The following NIBAN2 variants were observed in gnomAD, a reference collection of about 807,000 sequenced individuals.
NIBAN2 encodes the protein niban apoptosis regulator 2.
Under a neutral mutation model 81.8 loss-of-function variants are expected in NIBAN2, and 36 were observed. The observed-to-expected ratio is 0.44, with a 90% CI of 0.34 to 0.58. The LOEUF is 0.58. Among genes scored for constraint, NIBAN2 ranks in the 20% least tolerant of loss-of-function variants. The pLI, the probability that NIBAN2 is intolerant of heterozygous loss-of-function variation, is 0.02. For synonymous variants in NIBAN2, 445 were observed against 441.6 expected, an observed-to-expected ratio of 1.01 and a Z score of -0.10; for missense variants, 897 against 1,014.1, an observed-to-expected ratio of 0.88 and a Z score of 1.57.
At chr9:127,530,275 T>C (rs1171847224) in intron 2 of NIBAN2, among the ~76,000 whole-genome samples, 2 of 152,216 alleles carry the variant, frequency 1.3e-5, no homozygotes, top group East Asian at 3.9e-4. Flanking sequence ...GCAAAGGTGA[T>C]GCTCTGAGCA....
upstream of NIBAN2, among the ~76,000 whole-genome samples, chr9:127,573,449 C>T (rs1588196724): frequency 2.1e-5 from 3 of 146,262 alleles, no homozygotes; most frequent in Non-Finnish European, 3.0e-5. Flanking sequence ...GTTATTTGCC[C>T]TTTTTTTTTT....
chr9:127,542,992 T>C (rs1189621105), intron 1 of NIBAN2, among the ~76,000 whole-genome samples: 2 of 152,204 alleles, frequency 1.3e-5, no homozygotes, highest in Non-Finnish European at 2.9e-5. Context: ...CCCAAAGTGC[T>C]GGGGTTACAG....
chr9:127,574,948 A>G (rs969496606), intron 1 of NIBAN2, among the ~76,000 whole-genome samples: 3 of 151,976 alleles, frequency 2.0e-5, no homozygotes, highest in Non-Finnish European at 4.4e-5. Context: ...CTCCACTGCC[A>G]CCCCAAGTCC....
intron 8 of NIBAN2, among the ~76,000 whole-genome samples, chr9:127,514,270 C>CAAA (rs34295842): frequency 3.9e-4 from 46 of 118,058 alleles, no homozygotes; most frequent in African/African-American, 1.2e-3. Flanking sequence ...ACTCTGTGTC[C>CAAA]AAAAAAAAAA....
At chr9:127,510,621 G>A (rs1047058349) in intron 8 of NIBAN2, among the ~76,000 whole-genome samples, 16 of 152,058 alleles carry the variant, frequency 1.1e-4, no homozygotes, top group African/African-American at 3.9e-4. Context: ...ATTTTTAGTA[G>A]AGACGGGGTT....
rs557231499 is a variant in NIBAN2 at position 127,576,107 on chromosome 9, G to A, written c.16+2815C>T. ...CCTCCTTCGACATGACATCACTAGC[G>A]TCAGTCGCAATGGGAGCTTGAGGGA... On this transcript the variant is annotated intron_variant, in intron 1 of 13. Coordinates refer to the NIBAN2 transcript ENST00000373314. Among the ~76,000 whole-genome samples, 26 of 152,256 alleles carry A rather than the reference G, an allele frequency of 1.7e-4. No homozygotes were observed. The South Asian group carries it at 5.2e-3, about 30-fold the overall frequency.
At position 127,577,828 on chromosome 9, in the gene NIBAN2, G is replaced by A. The variant is rs556104568; in HGVS notation, c.16+1094C>T. On this transcript the variant is annotated intron_variant, in intron 1 of 13. Transcript: ENST00000373314. ...ACTCCTGGGCTCAAACAATCCTCCC[G>A]ACCCAGCCTCCTGAGTAGCTGGGAC... Among the ~76,000 whole-genome samples, 168 of 152,088 alleles carry A rather than the reference G, an allele frequency of 1.1e-3. 1 individual carries two copies. Among genetic ancestry groups the A allele is most frequent in the Admixed American group, 1.8e-3 (28 of 15,264 alleles).
In NIBAN2 at chr9:127,517,208, G is replaced by A; in HGVS notation, c.714C>T (p.Ser238=). 6.2e-7 allele frequency: 1 copy of A among 1,613,772 alleles called. No individual in the cohort carries two copies. Among genetic ancestry groups the A allele is most frequent in the South Asian group, 1.1e-5 (1 of 91,056 alleles). ...MLCGNEVQIL[S]NLVMEELGPE... ...GGCCCAGCTCCTCCATCACCAGGTT[G>A]CTCAGGATCTAGGTTGAGGAGGCAC... The change falls in exon 7 of 14, where the codon AGC becomes AGT. Residue 238 remains serine (S), a synonymous_variant. Transcript: ENST00000373312. This position sits in a 1 kb window ranked among gnomAD's most constrained non-coding sequence, Gnocchi z 4.0.
chr9:127,566,520 C>T (rs112763435), intron 1 of NIBAN2, among the ~76,000 whole-genome samples: 2,289 of 152,252 alleles, frequency 0.015, 54 homozygotes, highest in African/African-American at 0.051. Flanking sequence ...GCACCGTGGC[C>T]GGGAGCACGC....
At chr9:127,519,879 A>G (rs1836902849) in intron 5 of NIBAN2, among the ~76,000 whole-genome samples, 1 of 152,102 alleles carries the variant, frequency 6.6e-6, no homozygotes, top group East Asian at 1.9e-4. Flanking sequence ...CCAAGTTTTG[A>G]CTGGAAAATC....
chr9:127,535,252 G>A (rs1472857230), intron 1 of NIBAN2, among the ~76,000 whole-genome samples: 1 of 152,074 alleles, frequency 6.6e-6, no homozygotes, highest in African/African-American at 2.4e-5. Context: ...ATTGCTGTGA[G>A]GACTCGAACA....
At chr9:127,541,614 A>G (rs1050063862) in intron 1 of NIBAN2, among the ~76,000 whole-genome samples, 5 of 152,118 alleles carry the variant, frequency 3.3e-5, no homozygotes, top group Non-Finnish European at 5.9e-5. Flanking sequence ...GGGAGGGGTA[A>G]TGACAGGCTC....
At chr9:127,549,364 T>C (rs573501555) in intron 1 of NIBAN2, among the ~76,000 whole-genome samples, 5 of 151,836 alleles carry the variant, frequency 3.3e-5, no homozygotes, top group Admixed American at 3.3e-4. Flanking sequence ...GCCACACACA[T>C]GCACTCACAT....
chr9:127,572,968 C>T (rs1837965537), upstream of NIBAN2, among the ~76,000 whole-genome samples: 1 of 152,086 alleles, frequency 6.6e-6, no homozygotes, highest in Non-Finnish European at 1.5e-5. Context: ...GACCTTGAGC[C>T]CAGGAGTTTG....
At chr9:127,548,561 C>A (rs1200676498) in intron 1 of NIBAN2, among the ~76,000 whole-genome samples, 1 of 152,198 alleles carries the variant, frequency 6.6e-6, no homozygotes, top group African/African-American at 2.4e-5. Flanking sequence ...TGTCACCAGT[C>A]CCTGAACTCC....
chr9:127,530,069 C>T (rs1019036202), intron 2 of NIBAN2, among the ~76,000 whole-genome samples: 3 of 152,334 alleles, frequency 2.0e-5, no homozygotes, highest in Admixed American at 1.3e-4. Context: ...CATTTCTTTC[C>T]AGACAGGGGA....
At chr9:127,564,631 G>A (rs1240978786) in intron 1 of NIBAN2, among the ~76,000 whole-genome samples, 2 of 152,120 alleles carry the variant, frequency 1.3e-5, no homozygotes, top group African/African-American at 4.8e-5. Context: ...CCAGAACTTT[G>A]GGAGGTCGAG....
At chr9:127,552,351 T>C (rs958365328) in intron 1 of NIBAN2, among the ~76,000 whole-genome samples, 2 of 152,266 alleles carry the variant, frequency 1.3e-5, no homozygotes, top group East Asian at 3.9e-4. Context: ...GGCAGGAGGA[T>C]CACTTAAGGC....
intron 1 of NIBAN2, among the ~76,000 whole-genome samples, chr9:127,560,107 G>A (rs1251461351): frequency 1.3e-5 from 2 of 152,198 alleles, no homozygotes; most frequent in Non-Finnish European, 2.9e-5. Context: ...AGGGGAAGAA[G>A]GTTCTCATTT....
Sources: allele counts gnomAD v4.1 joint callset (sites outside exome capture counted in the v4.1 genomes callset), GRCh38; gene constraint gnomAD v4.1.1; non-coding constraint Gnocchi (gnomAD v3.1); transcripts MANE v1.5; gene names NCBI Gene and HGNC (gene_info 2026-07-23, HGNC 2026-07-21).